Variants in GAS7 observed in about 807,000 individuals in gnomAD.
The protein encoded by GAS7 is growth arrest specific 7.
GAS7 carries 28 observed loss-of-function variants against 71.1 expected under a neutral mutation model. The ratio of observed to expected loss-of-function variants is 0.39; its 90% CI spans 0.29 to 0.54. GAS7 has a LOEUF of 0.54. Ranked by LOEUF, GAS7 falls within the 20% of genes least tolerant of loss-of-function variation. The probability of loss-of-function intolerance (pLI) is 0.62; values close to 1 mark genes in which losing one functional copy is unlikely to be tolerated. For synonymous variants in GAS7, 258 were observed against 245.8 expected (o/e 1.05, Z -0.46); for missense variants, 436 against 627.8 (o/e 0.69, Z 3.27).
intron 1 of GAS7, among the ~76,000 whole-genome samples, chr17:10,054,777 A>AC (rs1340006717): frequency 6.6e-6 from 1 of 152,200 alleles, no homozygotes; most frequent in East Asian, 1.9e-4. Context: ...GCCAGCTTCC[A>AC]CGGGATCTGT....
chr17:10,180,039 T>C (rs918862985), intron 1 of GAS7, among the ~76,000 whole-genome samples: 2 of 152,054 alleles, frequency 1.3e-5, no homozygotes, highest in Non-Finnish European at 2.9e-5. Flanking sequence ...TTATTCCCAC[T>C]TAAAGATACG....
intron 1 of GAS7, among the ~76,000 whole-genome samples, chr17:10,166,233 A>T (rs2074293112): frequency 1.3e-5 from 2 of 152,046 alleles, no homozygotes; most frequent in South Asian, 4.1e-4. Flanking sequence ...TACGTTGCCC[A>T]GGCTGGTCTC....
chr17:10,084,380 C>T (rs1649931011), intron 1 of GAS7, among the ~76,000 whole-genome samples: 1 of 152,166 alleles, frequency 6.6e-6, no homozygotes, highest in South Asian at 2.1e-4. Context: ...GTCCTGGCGT[C>T]TCTTTTTCAG....
At chr17:10,139,451 A>G (rs911046294) in intron 1 of GAS7, among the ~76,000 whole-genome samples, 1 of 152,248 alleles carries the variant, frequency 6.6e-6, no homozygotes, top group Non-Finnish European at 1.5e-5. Flanking sequence ...GTCCAGGAGC[A>G]AAGTGAGATA....
At chr17:10,121,576 A>C (rs949497557) in intron 1 of GAS7, among the ~76,000 whole-genome samples, 3 of 152,150 alleles carry the variant, frequency 2.0e-5, no homozygotes, top group Admixed American at 6.5e-5. Context: ...GAGTGAATGA[A>C]GGTCCAGTGC....
rs367924546 is a variant in GAS7, at chr17:10,134,989, C to T, written c.183+63219G>A. 2.1e-4 allele frequency among the ~76,000 whole-genome samples: 32 copies of T among 152,160 alleles called. No homozygotes were observed. In the East Asian group the frequency reaches 4.4e-3, roughly 21 times the overall value. The stretch of plus-strand genomic sequence containing the variant: ...CTGGGACTACAGGTGCGTGCCACCA[C>T]GCCCGGGTAATTCTTGTATTTTTAG... On this transcript the variant is annotated intron_variant, in intron 1 of 13. Coordinates refer to ENST00000432992, the MANE Select transcript of GAS7 (RefSeq NM_201433.2).
chr17:10,084,035 AT>A (rs1336298492), intron 1 of GAS7, among the ~76,000 whole-genome samples: 23 of 152,284 alleles, frequency 1.5e-4, no homozygotes, highest in Middle Eastern at 6.8e-3. Context: ...CTACCTAGGC[AT>A]TGGCTGCCTC....
intron 1 of GAS7, among the ~76,000 whole-genome samples, chr17:10,142,084 C>T (rs184107805): frequency 2.0e-5 from 3 of 151,844 alleles, no homozygotes; most frequent in African/African-American, 4.8e-5. Flanking sequence ...AAAAATTAGC[C>T]GGGCGTGGTG....
At chr17:10,004,984 TC>T (rs1224516607) in intron 2 of GAS7, among the ~76,000 whole-genome samples, 1 of 152,070 alleles carries the variant, frequency 6.6e-6, no homozygotes, top group African/African-American at 2.4e-5. Flanking sequence ...CACTCCAGCC[TC>T]GGCGACAGAG....
chr17:10,006,030 C>T (rs953281606), intron 2 of GAS7, among the ~76,000 whole-genome samples: 11 of 152,174 alleles, frequency 7.2e-5, no homozygotes, highest in Non-Finnish European at 1.3e-4. Context: ...CTGGACTCCA[C>T]TAAGCCACTG....
chr17:9,939,982 G>A (rs2068543548), intron 8 of GAS7, 144 bp downstream of exon 8: 15 of 699,478 alleles, frequency 2.1e-5, no homozygotes, highest in Non-Finnish European at 3.4e-5. Context: ...ACCTACCTGA[G>A]CCATGAGTGC....
chr17:9,957,473 T>A (rs1480310517), intron 5 of GAS7, among the ~76,000 whole-genome samples: 16 of 152,232 alleles, frequency 1.1e-4, no homozygotes, highest in Admixed American at 1.0e-3. Flanking sequence ...CTGGGCACCA[T>A]CACTAAGCGC....
Position 9,910,729 on chromosome 17 carries a change from G to GA in GAS7, c.*6498_*6499insT. On this transcript the variant is annotated 3_prime_UTR_variant, in exon 14 of 14. Coordinates refer to ENST00000432992, the MANE Select transcript of GAS7 (RefSeq NM_201433.2). ...AATACACACAAATGCGGTAACAGGG[G>GA]TCAGGGGGGTGGTGCGGGGGCAGGT... is the stretch of plus-strand genomic sequence containing the variant. The GA allele has an allele frequency of 4.5e-6, 1 of 221,046 alleles. No homozygotes were observed. The highest frequency in any genetic ancestry group is 9.1e-6 in the Non-Finnish European group (1 of 110,426). The allele number at this position is 221,046 out of a possible 1,614,324, so 13.7% of individuals were successfully genotyped here.
intron 1 of GAS7, among the ~76,000 whole-genome samples, chr17:10,185,241 C>A (rs1041576023): frequency 6.6e-6 from 1 of 152,130 alleles, no homozygotes; most frequent in Non-Finnish European, 1.5e-5. Context: ...AACTCTTGAA[C>A]AAGATTTGAT....
chr17:10,064,781 T>A (rs963537078), intron 1 of GAS7, among the ~76,000 whole-genome samples: 4 of 152,190 alleles, frequency 2.6e-5, no homozygotes, highest in African/African-American at 9.7e-5. Flanking sequence ...GATCAAACCA[T>A]GCCTGAAGCT....
chr17:9,925,878 C>T (rs1391156586), intron 10 of GAS7, among the ~76,000 whole-genome samples: 2 of 152,152 alleles, frequency 1.3e-5, no homozygotes, highest in East Asian at 1.9e-4. Flanking sequence ...TGTACAAAGA[C>T]TGGGGACCTA....
At chr17:9,954,740 T>C (rs562219110) in intron 5 of GAS7, among the ~76,000 whole-genome samples, 1 of 152,212 alleles carries the variant, frequency 6.6e-6, no homozygotes, top group Non-Finnish European at 1.5e-5. Context: ...ATATCTACAA[T>C]GCACGGGACA....
rs2067467643 is a variant in GAS7, at chr17:9,912,599, C to T, written c.*4629G>A. ...TTCAGGTTGCAGCAGACGTGAGCAG[C>T]AATTGAGCACCCATCCGTCCCTTCC... On this transcript the variant is annotated 3_prime_UTR_variant, in exon 14 of 14. Coordinates refer to ENST00000432992, the MANE Select transcript of GAS7 (RefSeq NM_201433.2). The T allele has an allele frequency of 4.3e-6, 1 of 232,942 alleles. No individual in the cohort carries two copies. Among genetic ancestry groups the T allele is most frequent in the Non-Finnish European group, 8.5e-6 (1 of 117,844 alleles). 14.4% of individuals were successfully genotyped at this position (232,942 alleles called of 1,614,324 possible).
intron 2 of GAS7, among the ~76,000 whole-genome samples, chr17:9,982,581 G>T (rs188859535): frequency 2.0e-5 from 3 of 151,740 alleles, no homozygotes; most frequent in African/African-American, 7.3e-5. Flanking sequence ...GTTCGAGACC[G>T]GCCTGGCCAA....
Sources: gnomAD v4.1 joint callset for allele counts (sites outside exome capture counted in the v4.1 genomes callset) on GRCh38, gnomAD v4.1.1 for gene constraint, MANE v1.5 for transcripts, NCBI Gene and HGNC (gene_info 2026-07-23, HGNC 2026-07-21) for gene names.